Variants in TRAK2 observed in about 807,000 individuals in gnomAD.
TRAK2 encodes the protein trafficking kinesin-binding protein 2.
A neutral mutation model predicts 104.6 loss-of-function variants in TRAK2; 81 were observed. The ratio of observed to expected loss-of-function variants is 0.77; its 90% CI spans 0.65 to 0.93. The LOEUF is 0.93. TRAK2 is among the 40% of genes least tolerant of loss of function. TRAK2 has a pLI of 0.00. For missense variants in TRAK2, 1,002 were observed against 1,089.0 expected (o/e 0.92, Z 1.12); for synonymous variants, 406 against 394.4 (o/e 1.03, Z -0.35).
chr2:201,407,641 T>G, intron 2 of TRAK2, 44 bp from the exon 3 acceptor site: 1 of 1,511,670 alleles, frequency 6.6e-7, no homozygotes, highest in Non-Finnish European at 8.9e-7. Flanking sequence ...ATATTTCAAC[T>G]TTTACTAGGC....
intron 8 of TRAK2, 172 bp from the exon 9 acceptor site, chr2:201,395,044 G>A: frequency 1.5e-6 from 1 of 656,100 alleles, no homozygotes; most frequent in East Asian, 2.8e-5. Context: ...AATCTATCAA[G>A]GTGTTCAGAG....
At chr2:201,384,584 T>C (rs1559436504) in intron 14 of TRAK2, among the ~76,000 whole-genome samples, 1 of 152,198 alleles carries the variant, frequency 6.6e-6, no homozygotes, top group Admixed American at 6.5e-5. Context: ...TCAAAGCTAC[T>C]TTCATAGTAA....
intron 1 of TRAK2, among the ~76,000 whole-genome samples, chr2:201,426,174 C>T (rs1951786645): frequency 1.3e-5 from 2 of 152,174 alleles, no homozygotes; most frequent in Non-Finnish European, 2.9e-5. Context: ...CATTTACAGC[C>T]GCTCCCCATC....
chr2:201,444,644 T>C (rs1951950937), intron 1 of TRAK2, among the ~76,000 whole-genome samples: 1 of 151,430 alleles, frequency 6.6e-6, no homozygotes, highest in East Asian at 2.0e-4. Context: ...ATTGTAATAA[T>C]ATATTTGTAA....
At chr2:201,412,510 T>A in intron 2 of TRAK2, 3 of 1,180,752 alleles carry the variant, frequency 2.5e-6, no homozygotes, top group Non-Finnish European at 3.8e-6. Context: ...CTTATTGCCT[T>A]CAAATATATG....
At chr2:201,403,206 C>T (rs1045124968) in intron 3 of TRAK2, among the ~76,000 whole-genome samples, 26 of 152,050 alleles carry the variant, frequency 1.7e-4, no homozygotes, top group African/African-American at 5.8e-4. Flanking sequence ...AAAATATTTC[C>T]TATAAATGCT....
At chr2:201,420,387 G>A in intron 2 of TRAK2, 30 bp downstream of exon 2, 2 of 1,577,002 alleles carry the variant, frequency 1.3e-6, no homozygotes, top group Non-Finnish European at 1.7e-6. Flanking sequence ...ATAAGCGATA[G>A]CACTTCAATA....
chr2:201,420,438 T>G lies in TRAK2; in HGVS notation c.70A>C (p.Arg24=). The G allele has an allele frequency of 6.2e-7, 1 of 1,614,016 alleles. No individual in the cohort carries two copies. Among genetic ancestry groups the G allele is most frequent in the Non-Finnish European group, 8.5e-7 (1 of 1,179,934 alleles). Residue 24 remains arginine, a synonymous_variant, in exon 2 of 16, where the codon AGA becomes CGA. Coordinates refer to ENST00000332624, the MANE Select transcript of TRAK2 (RefSeq NM_015049.3). ...GEENLMNSNH[R]DSESITDVCS... The stretch of plus-strand genomic sequence containing the variant: ...TTACCAGTGATGCTCTCCGAGTCTC[T>G]GTGATTGCTATTCATGAGGTTTTCT...
chr2:201,380,523 G>C lies in TRAK2; in HGVS notation c.*20C>G. 2 of 1,609,298 alleles carry C rather than the reference G, an allele frequency of 1.2e-6. No individual in the cohort carries two copies. The highest frequency in any genetic ancestry group is 1.7e-6 in the Non-Finnish European group (2 of 1,177,074). On this transcript the variant is annotated 3_prime_UTR_variant, in exon 16 of 16. Coordinates refer to ENST00000332624, the MANE Select transcript of TRAK2 (RefSeq NM_015049.3). The stretch of plus-strand genomic sequence containing the variant: ...CCTTCATGTGCTAACTTGTATAAAA[G>C]GTCAGTTAACTGCTGAACCTCAGTC...
chr2:201,397,420 C>T, intron 7 of TRAK2, 82 bp downstream of exon 7: 1 of 896,818 alleles, frequency 1.1e-6, no homozygotes. Context: ...TCTACTGAAA[C>T]CAGTGATCTA....
At chr2:201,432,446 A>G (rs991354243) in intron 1 of TRAK2, among the ~76,000 whole-genome samples, 14 of 152,336 alleles carry the variant, frequency 9.2e-5, no homozygotes, top group African/African-American at 3.1e-4. Flanking sequence ...AAAACAACCA[A>G]TCAGGCATGT....
chr2:201,385,341 A>AT (rs74268993), intron 14 of TRAK2, among the ~76,000 whole-genome samples: 9,959 of 144,004 alleles, frequency 0.069, 646 homozygotes, highest in East Asian at 0.26. Flanking sequence ...ATTTAATTTA[A>AT]TTTTTTTTTT....
chr2:201,397,472 A>AT, intron 7 of TRAK2, 30 bp downstream of exon 7: 1 of 1,547,056 alleles, frequency 6.5e-7, no homozygotes, highest in Non-Finnish European at 8.9e-7. Context: ...TTGTCCAAAA[A>AT]GGTACAAAAG....
chr2:201,430,495 C>T (rs767710157), intron 1 of TRAK2, among the ~76,000 whole-genome samples: 2 of 152,228 alleles, frequency 1.3e-5, no homozygotes, highest in African/African-American at 4.8e-5. Flanking sequence ...AGCTTCCCGG[C>T]TTCTTTGTTT....
chr2:201,388,860 T>C (rs1390108096), intron 12 of TRAK2, among the ~76,000 whole-genome samples: 1 of 152,198 alleles, frequency 6.6e-6, no homozygotes, highest in East Asian at 1.9e-4. Flanking sequence ...CAAACATCTA[T>C]CTTGCAAAGC....
intron 12 of TRAK2, among the ~76,000 whole-genome samples, chr2:201,388,565 T>C (rs1951413685): frequency 2.0e-5 from 3 of 152,232 alleles, no homozygotes; most frequent in African/African-American, 7.2e-5. Flanking sequence ...ATTTTTATAG[T>C]TGTCTGATGC....
chr2:201,442,608 G>GC (rs1281906321), intron 1 of TRAK2, among the ~76,000 whole-genome samples: 14 of 152,138 alleles, frequency 9.2e-5, no homozygotes, highest in African/African-American at 3.1e-4. Flanking sequence ...CCACAGGCAC[G>GC]CCCCCCATTA....
chr2:201,398,418 T>G, intron 5 of TRAK2, 64 bp from the exon 6 acceptor site: 2 of 1,374,458 alleles, frequency 1.5e-6, no homozygotes, highest in Non-Finnish European at 2.0e-6. Context: ...CAATATAGCT[T>G]CTAATTCATG....
At chr2:201,439,217 C>T (rs1437294242) in intron 1 of TRAK2, among the ~76,000 whole-genome samples, 1 of 152,076 alleles carries the variant, frequency 6.6e-6, no homozygotes, top group African/African-American at 2.4e-5. Context: ...AAATGGAAAG[C>T]TTTCTTAGCC....
Sources: gnomAD v4.1 joint callset for allele counts (sites outside exome capture counted in the v4.1 genomes callset) on GRCh38, gnomAD v4.1.1 for gene constraint, MANE v1.5 for transcripts, NCBI Gene and HGNC (gene_info 2026-07-23, HGNC 2026-07-21) for gene names.